SLC24A2: variants seen among roughly 807,000 people sequenced by gnomAD.
SLC24A2 encodes solute carrier family 24 member 2, also known as sodium/potassium/calcium exchanger 2.
A neutral mutation model predicts 62.0 loss-of-function variants in SLC24A2; 36 were observed. The observed-to-expected ratio is 0.58, with a 90% CI of 0.44 to 0.77. The LOEUF is 0.77. Among genes scored for constraint, SLC24A2 ranks in the 30% least tolerant of loss-of-function variants. The probability of loss-of-function intolerance (pLI) is 0.00; values close to 1 mark genes in which losing one functional copy is unlikely to be tolerated. For missense variants in SLC24A2, 846 were observed against 817.9 expected (o/e 1.03, Z -0.42); for synonymous variants, 358 against 294.0 (o/e 1.22, Z -2.23).
At chr9:19,995,182 C>T in the SLC24A2 span, among the ~76,000 whole-genome samples, 1 of 151,610 alleles carries the variant, frequency 6.6e-6, no homozygotes, top group African/African-American at 2.4e-5. Flanking sequence ...CAAATATTGG[C>T]TCCTTTTTTC....
the SLC24A2 span, among the ~76,000 whole-genome samples, chr9:20,280,052 G>A: frequency 6.6e-6 from 1 of 152,242 alleles, no homozygotes. Context: ...GGAAAAATAG[G>A]CTATTGCCTA....
the SLC24A2 span, among the ~76,000 whole-genome samples, chr9:19,990,180 A>G: frequency 6.6e-6 from 1 of 152,172 alleles, no homozygotes; most frequent in African/African-American, 2.4e-5. Context: ...AATTATGCCC[A>G]TTTTATAGAT....
the SLC24A2 span, among the ~76,000 whole-genome samples, chr9:20,101,942 C>A: frequency 6.6e-6 from 1 of 152,122 alleles, no homozygotes; most frequent in Non-Finnish European, 1.5e-5. Flanking sequence ...CTGAGCTTAA[C>A]AGTGGAGAGA....
the SLC24A2 span, among the ~76,000 whole-genome samples, chr9:20,119,066 C>A: frequency 1.3e-5 from 2 of 152,188 alleles, no homozygotes; most frequent in East Asian, 1.9e-4. Context: ...ATGAACGCAG[C>A]CTTCAAGAAC....
chr9:20,118,995 T>G, the SLC24A2 span, among the ~76,000 whole-genome samples: 1 of 152,112 alleles, frequency 6.6e-6, no homozygotes, highest in Non-Finnish European at 1.5e-5. Context: ...TTAGCTGGCT[T>G]TGAAGAAGTG....
chr9:20,230,361 G>A, the SLC24A2 span, among the ~76,000 whole-genome samples: 2 of 152,148 alleles, frequency 1.3e-5, no homozygotes, highest in African/African-American at 2.4e-5. Context: ...CAGTGTAAAA[G>A]TGTTCCTATT....
the SLC24A2 span, among the ~76,000 whole-genome samples, chr9:19,820,026 C>T: frequency 0.059 from 1,969 of 33,496 alleles, 67 homozygotes; most frequent in Non-Finnish European, 0.069. Context: ...TATATATATA[C>T]ACATATATAT....
chr9:20,224,108 T>C, the SLC24A2 span, among the ~76,000 whole-genome samples: 1 of 151,976 alleles, frequency 6.6e-6, no homozygotes, highest in Non-Finnish European at 1.5e-5. Flanking sequence ...ACCAGGTCCC[T>C]CCCTTGACAC....
At chr9:20,276,680 G>A in the SLC24A2 span, among the ~76,000 whole-genome samples, 1 of 152,214 alleles carries the variant, frequency 6.6e-6, no homozygotes, top group African/African-American at 2.4e-5. Context: ...TGTTCTCCAT[G>A]AGGGCTCTGC....
the SLC24A2 span, among the ~76,000 whole-genome samples, chr9:19,920,961 A>G: frequency 6.6e-6 from 1 of 152,052 alleles, no homozygotes; most frequent in Non-Finnish European, 1.5e-5. Context: ...TCATCTATAA[A>G]ATAAAGATAA....
the SLC24A2 span, among the ~76,000 whole-genome samples, chr9:19,958,968 C>A: frequency 1.3e-5 from 2 of 152,294 alleles, no homozygotes; most frequent in Admixed American, 1.3e-4. Context: ...TAAGTCTGAA[C>A]AATTTTTGTG....
chr9:19,742,797 G>A (rs1821718885), intron 2 of SLC24A2, among the ~76,000 whole-genome samples: 1 of 152,080 alleles, frequency 6.6e-6, no homozygotes, highest in Non-Finnish European at 1.5e-5. Context: ...CCTGTCCTCA[G>A]GAATGTCTCT....
At chr9:20,045,577 G>A in the SLC24A2 span, among the ~76,000 whole-genome samples, 10 of 151,976 alleles carry the variant, frequency 6.6e-5, no homozygotes, top group South Asian at 1.0e-3. Context: ...GATTACAGGC[G>A]CCCGCTACCA....
chr9:20,067,143 C>G, the SLC24A2 span, among the ~76,000 whole-genome samples: 1 of 152,142 alleles, frequency 6.6e-6, no homozygotes, highest in African/African-American at 2.4e-5. Context: ...AAATCTTTGT[C>G]AAATATATTA....
intron 5 of SLC24A2, among the ~76,000 whole-genome samples, chr9:19,580,029 G>A (rs1011960770): frequency 2.0e-5 from 3 of 152,336 alleles, no homozygotes; most frequent in Non-Finnish European, 4.4e-5. Flanking sequence ...GAGACTGCAT[G>A]TTACTCTTTT....
intron 8 of SLC24A2, among the ~76,000 whole-genome samples, chr9:19,547,730 C>T (rs2132734991): frequency 6.6e-6 from 1 of 151,648 alleles, no homozygotes; most frequent in Admixed American, 6.5e-5. Context: ...GGCCACACCA[C>T]ATGAGGCCCC....
intron 2 of SLC24A2, among the ~76,000 whole-genome samples, chr9:19,678,550 C>T (rs1819623463): frequency 6.6e-6 from 1 of 152,136 alleles, no homozygotes; most frequent in South Asian, 2.1e-4. Context: ...TATTTCTTGT[C>T]TTCGTTTCTT....
At chr9:20,297,533 G>A in the SLC24A2 span, among the ~76,000 whole-genome samples, 10 of 152,326 alleles carry the variant, frequency 6.6e-5, no homozygotes, top group South Asian at 1.5e-3. Flanking sequence ...ACTCTGATTA[G>A]TCACTGGCCA....
chr9:19,766,684 C>T (rs1020035052), intron 2 of SLC24A2, among the ~76,000 whole-genome samples: 2 of 152,188 alleles, frequency 1.3e-5, no homozygotes, highest in South Asian at 2.1e-4. Flanking sequence ...CAGAGGGGCA[C>T]CTGCCAGATG....
Sources: allele counts gnomAD v4.1 joint callset (sites outside exome capture counted in the v4.1 genomes callset), GRCh38; gene constraint gnomAD v4.1.1; transcripts MANE v1.5; gene names NCBI Gene and HGNC (gene_info 2026-07-23, HGNC 2026-07-21).